The following CDH13 variants were observed in gnomAD, a reference collection of about 807,000 sequenced individuals.
CDH13 encodes cadherin-13.
CDH13 carries 24 observed loss-of-function variants against 63.8 expected under a neutral mutation model. The observed-to-expected ratio is 0.38, with a 90% CI of 0.27 to 0.53. CDH13 has a LOEUF of 0.53. CDH13 is among the 20% of genes least tolerant of loss of function. The pLI is 0.85. For synonymous variants in CDH13, 503 were observed against 355.3 expected (o/e 1.42, Z -4.67); for missense variants, 1,049 against 903.1 (o/e 1.16, Z -2.07).
At chr16:82,657,290 G>T (rs2150919004) in intron 1 of CDH13, among the ~76,000 whole-genome samples, 1 of 152,260 alleles carries the variant, frequency 6.6e-6, no homozygotes, top group African/African-American at 2.4e-5. Context: ...TGTAATAAAA[G>T]TTACATGCAT....
chr16:83,058,997 T>C (rs1250267269), intron 3 of CDH13, among the ~76,000 whole-genome samples: 1 of 152,218 alleles, frequency 6.6e-6, no homozygotes, highest in African/African-American at 2.4e-5. Flanking sequence ...TTACTGTATC[T>C]GCCTTAGTTG....
In CDH13 at chr16:83,429,145, T is replaced by C. The variant is rs567422595; in HGVS notation, c.782-57332T>C. 2.6e-5 allele frequency among the ~76,000 whole-genome samples: 4 copies of C among 152,324 alleles called. No individual in the cohort carries two copies. The East Asian group carries it at 5.8e-4, about 22-fold the overall frequency. ...GGATATTGCAGTCTGGGGTCAGCTA[T>C]GACTTAAGACTTTCTATAAGACTGG... On this transcript the variant is annotated intron_variant, in intron 6 of 13. Coordinates refer to ENST00000567109, the MANE Select transcript of CDH13 (RefSeq NM_001257.5).
chr16:83,184,488 C>T (rs2038452248), intron 4 of CDH13, among the ~76,000 whole-genome samples: 3 of 152,088 alleles, frequency 2.0e-5, no homozygotes, highest in South Asian at 4.1e-4. Flanking sequence ...GGTGCGGTGG[C>T]TCACACCTGT....
chr16:83,777,175 C>T (rs972736120), intron 11 of CDH13, among the ~76,000 whole-genome samples: 1 of 152,206 alleles, frequency 6.6e-6, no homozygotes, highest in Non-Finnish European at 1.5e-5. Flanking sequence ...CCTATCAATC[C>T]AATCGTGTGC....
chr16:83,674,729 G>A (rs1395427436), intron 9 of CDH13, among the ~76,000 whole-genome samples: 2 of 152,234 alleles, frequency 1.3e-5, no homozygotes, highest in Non-Finnish European at 2.9e-5. Context: ...AATCCCAGTG[G>A]CTCTGACAGA....
chr16:82,874,463 C>A (rs1207776247), intron 2 of CDH13, among the ~76,000 whole-genome samples: 4 of 151,732 alleles, frequency 2.6e-5, no homozygotes, highest in Non-Finnish European at 4.4e-5. Flanking sequence ...CGAGAAGTGG[C>A]CAAGTGCTGC....
At chr16:82,896,468 A>ATT (rs79106564) in intron 2 of CDH13, among the ~76,000 whole-genome samples, 3 of 145,202 alleles carry the variant, frequency 2.1e-5, no homozygotes, top group South Asian at 2.2e-4. Flanking sequence ...TAATTTTTGT[A>ATT]TTTTTTTTTT....
intron 1 of CDH13, chr16:82,637,830 G>A (rs1908868413): frequency 6.6e-6 from 1 of 152,168 alleles, no homozygotes; most frequent in African/African-American, 2.4e-5. Context: ...ATTTGCACCT[G>A]GGTCTGTGCG....
intron 2 of CDH13, among the ~76,000 whole-genome samples, chr16:82,979,166 C>A (rs1218085814): frequency 6.6e-6 from 1 of 152,180 alleles, no homozygotes; most frequent in Non-Finnish European, 1.5e-5. Flanking sequence ...ATGTATTTAT[C>A]CAATGCCTGT....
intron 7 of CDH13, among the ~76,000 whole-genome samples, chr16:83,521,712 C>CA (rs2065592983): frequency 1.3e-5 from 2 of 152,286 alleles, no homozygotes; most frequent in Admixed American, 6.5e-5. Flanking sequence ...GTAATTCTTC[C>CA]ACCTATGGGT....
intron 1 of CDH13, among the ~76,000 whole-genome samples, chr16:82,654,975 G>A (rs1597231191): frequency 6.6e-6 from 1 of 152,280 alleles, no homozygotes; most frequent in South Asian, 2.1e-4. Context: ...CTGTGGAGCT[G>A]GTGGTCCCAG....
intron 10 of CDH13, among the ~76,000 whole-genome samples, chr16:83,685,973 T>C (rs1904307595): frequency 6.6e-6 from 1 of 152,216 alleles, no homozygotes; most frequent in African/African-American, 2.4e-5. Flanking sequence ...CATTTTTATG[T>C]AGAACTTTAC....
intron 6 of CDH13, among the ~76,000 whole-genome samples, chr16:83,359,559 A>T (rs1269738238): frequency 6.6e-6 from 1 of 152,094 alleles, no homozygotes; most frequent in African/African-American, 2.4e-5. Flanking sequence ...TGTTAATTTG[A>T]GCCTCTATTT....
rs975269204 is a variant in CDH13, at chr16:83,795,879, A to G, written c.*849A>G. ...TTCTAATGGGGACACAGATCATGGT[A>G]GAGAATCTCTCCCTCCTCAGTAAAT... is the stretch of plus-strand genomic sequence containing the variant. On this transcript the variant is annotated 3_prime_UTR_variant, in exon 14 of 14. Transcript: ENST00000567109. 1 of 152,664 alleles carries G rather than the reference A, an allele frequency of 6.6e-6. No individual in the cohort carries two copies. Among genetic ancestry groups the G allele is most frequent in the Non-Finnish European group, 1.5e-5 (1 of 68,046 alleles). The allele number at this position is 152,664 out of a possible 1,614,324, so 9.5% of individuals were successfully genotyped here.
At chr16:83,373,863 C>T (rs775362571) in intron 6 of CDH13, among the ~76,000 whole-genome samples, 4 of 152,078 alleles carry the variant, frequency 2.6e-5, no homozygotes, top group Non-Finnish European at 1.5e-5. Flanking sequence ...TAGAGAGCCT[C>T]GTGGGAGGAA....
chr16:83,028,302 G>T (rs1916003087), intron 2 of CDH13, among the ~76,000 whole-genome samples: 5 of 152,176 alleles, frequency 3.3e-5, no homozygotes, highest in Admixed American at 2.6e-4. Context: ...AATTCATCTG[G>T]GCTACCAACA....
At chr16:83,283,027 A>C (rs1438657252) in intron 5 of CDH13, among the ~76,000 whole-genome samples, 1 of 152,208 alleles carries the variant, frequency 6.6e-6, no homozygotes, top group African/African-American at 2.4e-5. Context: ...TGCTGAGAAA[A>C]TTAGGTGAGA....
intron 2 of CDH13, among the ~76,000 whole-genome samples, chr16:82,997,997 T>C (rs1161168867): frequency 2.0e-5 from 3 of 152,188 alleles, no homozygotes; most frequent in Non-Finnish European, 2.9e-5. Context: ...ATATCAGTGT[T>C]GTATTTCATA....
chr16:83,100,946 C>G (rs534805342), intron 3 of CDH13, among the ~76,000 whole-genome samples: 2 of 152,230 alleles, frequency 1.3e-5, no homozygotes, highest in Non-Finnish European at 2.9e-5. Flanking sequence ...ATAATAGATA[C>G]TCAGTGAATC....
Sources: allele counts gnomAD v4.1 joint callset (sites outside exome capture counted in the v4.1 genomes callset), GRCh38; gene constraint gnomAD v4.1.1; transcripts MANE v1.5; gene names NCBI Gene and HGNC (gene_info 2026-07-23, HGNC 2026-07-21).